The following SHANK1 variants were observed in gnomAD, a reference collection of about 807,000 sequenced individuals.
SHANK1 encodes SH3 and multiple ankyrin repeat domains 1, also known as SH3 and multiple ankyrin repeat domains protein 1.
Under a neutral mutation model 165.6 loss-of-function variants are expected in SHANK1, and 35 were observed. The ratio of observed to expected loss-of-function variants is 0.21; its 90% confidence interval spans 0.16 to 0.28. The LOEUF is 0.28. SHANK1 is among the 10% of genes least tolerant of loss of function. The pLI is 1.00. For missense variants in SHANK1, 2,681 were observed against 3,036.4 expected, an observed-to-expected ratio of 0.88 and a Z score of 2.75; for synonymous variants, 1,428 against 1,384.8, an observed-to-expected ratio of 1.03 and a Z score of -0.69.
At chr19:50,684,832 C>T (rs995515536) in intron 21 of SHANK1, among the ~76,000 whole-genome samples, 1 of 152,066 alleles carries the variant, frequency 6.6e-6, no homozygotes, top group Non-Finnish European at 1.5e-5. Flanking sequence ...TGTTAAAATC[C>T]ACCGCCAATG....
In SHANK1 at chr19:50,672,230, C is replaced by T. The variant is rs572578866; in HGVS notation, c.2578-116G>A. On this transcript the variant is annotated intron_variant, in intron 21 of 23. Transcript: ENST00000293441. ...CCCCATTCCTTCCCTAAGCCCCTGC[C>T]GTAAGGGAGAGCAGTGTGAAGACGG... The T allele has an allele frequency of 2.5e-4, 209 of 829,576 alleles. 2 individuals are homozygous for T. The East Asian group carries it at 4.6e-3, about 18-fold the overall frequency. 51.4% of individuals were successfully genotyped at this position (829,576 alleles called of 1,614,324 possible). A position where few individuals can be genotyped will look rare whatever the true frequency, so the allele number is the denominator to read the frequency against.
intron 12 of SHANK1, among the ~76,000 whole-genome samples, chr19:50,699,122 C>A (rs557167659): frequency 1.3e-5 from 2 of 152,272 alleles, no homozygotes; most frequent in Non-Finnish European, 2.9e-5. Context: ...CTGGGGAGAC[C>A]AAATGAGGGG....
intron 15 of SHANK1, among the ~76,000 whole-genome samples, chr19:50,692,939 A>C: frequency 1.7e-5 from 2 of 120,110 alleles, no homozygotes; most frequent in African/African-American, 3.3e-5. Context: ...TGACCTCCTC[A>C]CCCTTGTCCT....
In SHANK1 at chr19:50,662,766, A is replaced by ATAGGGAGAGAGGAGGAGAGACATAAGGG; in HGVS notation, c.5769-112_5769-85dup. The ATAGGGAGAGAGGAGGAGAGACATAAGGG allele has an allele frequency of 1.4e-6, 2 of 1,451,446 alleles. No homozygotes were observed. The highest frequency in any genetic ancestry group is 5.0e-5 in the East Asian group (2 of 39,682). The allele number at this position is 1,451,446 out of a possible 1,614,324, so 89.9% of individuals were successfully genotyped here. On this transcript the variant is annotated intron_variant, in intron 23 of 23. Transcript: ENST00000293441. The surrounding 1 kb of genome is among the most constrained non-coding windows in gnomAD (Gnocchi z 7.7). ...GTGAGAAAGAGGCAGAGGTCAAGAT[A>ATAGGGAGAGAGGAGGAGAGACATAAGGG]TAGGGAGAGAGGAGGAGAGACATAA...
chr19:50,674,095 A>T (rs1212646693), intron 21 of SHANK1, among the ~76,000 whole-genome samples: 13 of 143,826 alleles, frequency 9.0e-5, no homozygotes, highest in Non-Finnish European at 9.1e-5. Flanking sequence ...GTGTTGGCCT[A>T]TTTTTTTTTT....
chr19:50,670,383 A>G lies in SHANK1; in HGVS notation c.2675-1098T>C, dbSNP rs770708873. 4.6e-5 allele frequency among the ~76,000 whole-genome samples: 7 copies of G among 152,178 alleles called. No individual in the cohort carries two copies. The highest frequency in any genetic ancestry group is 8.8e-5 in the Non-Finnish European group (6 of 68,034). On this transcript the variant is annotated intron_variant, in intron 22 of 23. Coordinates refer to ENST00000293441, the MANE Select transcript of SHANK1 (RefSeq NM_016148.5). The surrounding 1 kb of genome is among the most constrained non-coding windows in gnomAD (Gnocchi z 4.1). ...GAGTCAACACCCTGGGCCAGCCACT[A>G]TCATTTCCTATCTGGATAGCAATAG...
rs1479932756 is a variant in SHANK1 at position 50,716,617 on chromosome 19, T to C, written c.255+48A>G. On this transcript the variant is annotated intron_variant, in intron 2 of 23. Transcript: ENST00000293441. The surrounding 1 kb of genome is among the most constrained non-coding windows in gnomAD (Gnocchi z 8.4). ...AGCACCAGTGGACTCCCCATGTCGG[T>C]TGGGGCACTGTCCCTCTCCTGCCGC... 20 of 1,552,610 alleles carry C rather than the reference T, an allele frequency of 1.3e-5. No homozygotes were observed. Among genetic ancestry groups the C allele is most frequent in the Non-Finnish European group, 1.6e-5 (18 of 1,145,972 alleles).
At chr19:50,714,403 G>T in intron 4 of SHANK1, 113 bp from the exon 5 acceptor site, 1 of 867,442 alleles carries the variant, frequency 1.2e-6, no homozygotes, top group Admixed American at 2.4e-5. Context: ...ATACGCCATT[G>T]AAAAGCTTCT....
At chr19:50,708,433 C>T (rs10423246) in intron 8 of SHANK1, among the ~76,000 whole-genome samples, 4,503 of 152,110 alleles carry the variant, frequency 0.03, 221 homozygotes, top group African/African-American at 0.1. Flanking sequence ...TATCTCATGT[C>T]GTAGCCATGA....
chr19:50,711,792 T>C (rs2089013873), intron 7 of SHANK1, among the ~76,000 whole-genome samples, 155 bp downstream of exon 7: 1 of 152,190 alleles, frequency 6.6e-6, no homozygotes, highest in Non-Finnish European at 1.5e-5. Context: ...AGGGTCTTTC[T>C]GCCTTCACCC....
At position 50,697,717 on chromosome 19, in the gene SHANK1, C is replaced by T. The variant is rs1180548141; in HGVS notation, c.1862-53G>A. Reference sequence around the variant, plus strand: ...ACTCTTGTTTTGGAAACCACAATCCCAGCCCTAGAGCTCCTGGCCCAAGTC... The same window carrying T: ...ACTCTTGTTTTGGAAACCACAATCCTAGCCCTAGAGCTCCTGGCCCAAGTC... On this transcript the variant is annotated intron_variant, in intron 13 of 23. Transcript: ENST00000293441. The surrounding 1 kb of genome is among the most constrained non-coding windows in gnomAD (Gnocchi z 4.7). 7 of 1,584,232 alleles carry T rather than the reference C, an allele frequency of 4.4e-6. No individual in the cohort carries two copies. Among genetic ancestry groups the T allele is most frequent in the Admixed American group, 1.7e-5 (1 of 59,904 alleles).
Position 50,689,050 on chromosome 19 carries a change from C to T in SHANK1, c.2048-82G>A, listed in dbSNP as rs991871250. 32 of 1,167,136 alleles carry T rather than the reference C, an allele frequency of 2.7e-5. 1 individual carries two copies. The highest frequency in any genetic ancestry group is 1.8e-4 in the South Asian group (14 of 76,866). The allele number at this position is 1,167,136 out of a possible 1,614,324, so 72.3% of individuals were successfully genotyped here. A position where few individuals can be genotyped will look rare whatever the true frequency, so the allele number is the denominator to read the frequency against. On this transcript the variant is annotated intron_variant, in intron 16 of 23. Transcript: ENST00000293441. ...GGGGATGGGGCTCAGACCCAAGTCA[C>T]GGAGGCCTCACCGCAGCTGAGGGAC...
intron 15 of SHANK1, among the ~76,000 whole-genome samples, chr19:50,695,372 C>G (rs1322741389): frequency 7.0e-6 from 1 of 143,790 alleles, no homozygotes; most frequent in African/African-American, 2.6e-5. Context: ...GGCTTAACCC[C>G]TTGGCGTCCT....
At chr19:50,691,136 G>C (rs1228064676) in intron 15 of SHANK1, among the ~76,000 whole-genome samples, 2 of 152,148 alleles carry the variant, frequency 1.3e-5, no homozygotes, top group Non-Finnish European at 2.9e-5. Context: ...GGTGTTGGCA[G>C]AGAAGGAGGG....
chr19:50,684,108 G>C (rs1220255159), intron 21 of SHANK1, among the ~76,000 whole-genome samples: 1 of 152,162 alleles, frequency 6.6e-6, no homozygotes, highest in African/African-American at 2.4e-5. Context: ...GTTTGTTGAG[G>C]AATTATGAGA....
At chr19:50,709,674 C>T (rs375486687) in intron 8 of SHANK1, among the ~76,000 whole-genome samples, 79 of 152,196 alleles carry the variant, frequency 5.2e-4, no homozygotes, top group African/African-American at 1.8e-3. Flanking sequence ...CTCAGCTGCC[C>T]GAGCAGCTGG....
intron 8 of SHANK1, among the ~76,000 whole-genome samples, chr19:50,709,712 G>A (rs1000003649): frequency 3.3e-5 from 5 of 152,258 alleles, no homozygotes; most frequent in Middle Eastern, 3.4e-3. Context: ...ACTGTGCCCA[G>A]CTAATTTTTG....
At position 50,668,496 on chromosome 19, in the gene SHANK1, A is replaced by C; in HGVS notation, c.3464T>G (p.Ile1155Ser). ...AAPSEKNSIPIPTIIIKAPST... is the reference protein window; with the variant it reads ...AAPSEKNSIPSPTIIIKAPST... ...CGGGGCCTTGATGATGATGGTGGGG[A>C]TGGGGATGGAGTTCTTCTCCGAGGG... The change falls in exon 23 of 24, where the codon ATC becomes AGC. Residue 1155 changes from isoleucine (I) to serine (S), a missense_variant. Physicochemically the swap from Ile to Ser is moderately radical, Grantham distance 142 (BLOSUM62 -2). This residue lies in a region of SHANK1 where 1,713 missense variants were observed against 1,630.2 expected (regional missense o/e 1.05). Transcript: ENST00000293441. The C allele has an allele frequency of 7.4e-7, 1 of 1,343,948 alleles. No homozygotes were observed. The highest frequency in any genetic ancestry group is 9.5e-7 in the Non-Finnish European group (1 of 1,047,480). 83.3% of individuals were successfully genotyped at this position (1,343,948 alleles called of 1,614,324 possible).
At chr19:50,666,111 T>G (rs1264924744) in intron 23 of SHANK1, 81 bp downstream of exon 23, 13 of 1,355,698 alleles carry the variant, frequency 9.6e-6, no homozygotes, top group Non-Finnish European at 1.1e-5. Context: ...GTTTCCTTTC[T>G]GCCACCCTGA....
Sources: gnomAD v4.1 joint callset for allele counts (sites outside exome capture counted in the v4.1 genomes callset) on GRCh38, gnomAD v4.1.1 for gene constraint, gnomAD v4.1.1 regional missense constraint, Gnocchi (gnomAD v3.1) non-coding constraint, MANE v1.5 for transcripts, NCBI Gene and HGNC (gene_info 2026-07-23, HGNC 2026-07-21) for gene names.